PCDHGA6: variants seen among roughly 807,000 people sequenced by gnomAD.
The protein encoded by PCDHGA6 is protocadherin gamma subfamily A, 6.
A neutral mutation model predicts 60.6 loss-of-function variants in PCDHGA6; 41 were observed. The ratio of observed to expected loss-of-function variants is 0.68; its 90% CI spans 0.53 to 0.88. The LOEUF is 0.88. Among genes scored for constraint, PCDHGA6 ranks in the 40% least tolerant of loss-of-function variants. The probability of loss-of-function intolerance (pLI) is 0.00; values close to 1 mark genes in which losing one functional copy is unlikely to be tolerated. For missense variants in PCDHGA6, 1,312 were observed against 1,203.0 expected (o/e 1.09, Z -1.34); for synonymous variants, 594 against 524.4 (o/e 1.13, Z -1.81).
chr5:141,458,556 T>C (rs1424881453), intron 1 of PCDHGA6, among the ~76,000 whole-genome samples: 1 of 145,670 alleles, frequency 6.9e-6, no homozygotes, highest in Non-Finnish European at 1.5e-5. Flanking sequence ...TTGTTTGTTT[T>C]GGTTTTGGGT....
intron 1 of PCDHGA6, among the ~76,000 whole-genome samples, chr5:141,472,862 T>C (rs770564770): frequency 1.3e-5 from 2 of 150,322 alleles, no homozygotes; most frequent in South Asian, 4.2e-4. Flanking sequence ...GGCACATGCC[T>C]GTATTCCCAG....
rs777168071 is a variant in PCDHGA6 at position 141,477,745 on chromosome 5, C to A, written c.2425-17062C>A. The A allele has an allele frequency of 5.0e-6, 8 of 1,613,682 alleles. No homozygotes were observed. The highest frequency in any genetic ancestry group is 6.8e-6 in the Non-Finnish European group (8 of 1,180,042). On this transcript the variant is annotated intron_variant, in intron 1 of 3. Transcript: ENST00000517434. The surrounding 1 kb of genome is among the most constrained non-coding windows in gnomAD (Gnocchi z 4.9). ...TAACAGCTCATATCAGCGATGGGGG[C>A]ACCCCGGTCCTAGCCACCAACATCA...
chr5:141,501,390 T>TCAC (rs1033806087), intron 2 of PCDHGA6, among the ~76,000 whole-genome samples: 4 of 151,794 alleles, frequency 2.6e-5, no homozygotes, highest in African/African-American at 9.7e-5. Flanking sequence ...CTAGGTCCTG[T>TCAC]CACAGGCCAC....
chr5:141,376,688 T>G (rs959333255), intron 1 of PCDHGA6, 181 bp downstream of exon 1: 5 of 824,852 alleles, frequency 6.1e-6, no homozygotes, highest in Non-Finnish European at 9.0e-6. Context: ...TTTTTTTTTT[T>G]TTTTTTTTTG....
At position 141,374,284 on chromosome 5, in the gene PCDHGA6, C is replaced by A. The variant is rs756823871; in HGVS notation, c.201C>A (p.Val67=). The part of the protein sequence containing the change: ...QELAEHGVRI[V]SRGRMQLFSL... ...TGGCGGAGCACGGAGTCCGCATCGT[C>A]TCCAGAGGTAGGATGCAGCTTTTCT... is the stretch of plus-strand genomic sequence containing the variant. The change falls in exon 1 of 4, where the codon GTC becomes GTA. Residue 67 remains valine, a synonymous_variant. Transcript: ENST00000517434. The A allele has an allele frequency of 3.7e-6, 6 of 1,613,880 alleles. No individual in the cohort carries two copies. In the Admixed American group the frequency reaches 8.3e-5, roughly 22 times the overall value.
At chr5:141,426,621 C>G (rs984316174) in intron 1 of PCDHGA6, 1 of 392,280 alleles carries the variant, frequency 2.5e-6, no homozygotes, top group Non-Finnish European at 5.2e-6. Flanking sequence ...AGAGAATCCT[C>G]TAAATGTTTT....
intron 1 of PCDHGA6, chr5:141,400,754 C>A (rs6880273): frequency 0.26 from 150,367 of 588,610 alleles, 21,664 homozygotes; most frequent in African/African-American, 0.5. Context: ...TTAGCTTCCT[C>A]TCTAGCAAAA....
intron 1 of PCDHGA6, chr5:141,398,946 C>A: frequency 6.2e-7 from 1 of 1,613,948 alleles, no homozygotes; most frequent in Non-Finnish European, 8.5e-7. Flanking sequence ...ACGAGGGCAT[C>A]AACTCAGAAA....
intron 1 of PCDHGA6, chr5:141,387,722 C>G: frequency 8.6e-7 from 1 of 1,159,212 alleles, no homozygotes; most frequent in Non-Finnish European, 1.2e-6. Flanking sequence ...TCAGACTCCC[C>G]AGCGCCAGCC....
rs1257933448 is a variant in PCDHGA6, at chr5:141,490,285, G to C, written c.2425-4522G>C. 3 of 1,614,106 alleles carry C rather than the reference G, an allele frequency of 1.9e-6. No homozygotes were observed. In the African/African-American group the frequency reaches 4.0e-5, roughly 22 times the overall value. On this transcript the variant is annotated intron_variant, in intron 1 of 3. Coordinates refer to ENST00000517434, the MANE Select transcript of PCDHGA6 (RefSeq NM_018919.3). This position sits in a 1 kb window ranked among gnomAD's most constrained non-coding sequence, Gnocchi z 5.4. ...GGGGGATGTCAATGACAATGCCCCAGAGGTGCTATTGGCCTCTTTGGCCAA... is the reference window on the plus strand; with the variant it reads ...GGGGGATGTCAATGACAATGCCCCACAGGTGCTATTGGCCTCTTTGGCCAA...
intron 1 of PCDHGA6, among the ~76,000 whole-genome samples, chr5:141,470,825 C>A (rs557419577): frequency 6.6e-6 from 1 of 152,182 alleles, no homozygotes; most frequent in Admixed American, 6.5e-5. Context: ...GTAGTTAGGA[C>A]GACAAACACA....
At chr5:141,510,431 G>A (rs912708135) in intron 3 of PCDHGA6, among the ~76,000 whole-genome samples, 9 of 152,132 alleles carry the variant, frequency 5.9e-5, no homozygotes, top group African/African-American at 1.9e-4. Flanking sequence ...TTTCATGGCT[G>A]CTGCCCTCCA....
At chr5:141,399,862 G>T in intron 1 of PCDHGA6, 1 of 1,612,900 alleles carries the variant, frequency 6.2e-7, no homozygotes, top group South Asian at 1.1e-5. Flanking sequence ...GCGCGCTGCA[G>T]AGCCCGGCTA....
At chr5:141,462,116 C>T (rs535029363) in intron 1 of PCDHGA6, among the ~76,000 whole-genome samples, 3 of 152,152 alleles carry the variant, frequency 2.0e-5, no homozygotes, top group Admixed American at 1.3e-4. Context: ...AGCCACTGCA[C>T]CCAGTCCAAT....
In PCDHGA6 at chr5:141,461,830, C is replaced by CT. The variant is rs1030113508; in HGVS notation, c.2425-32967dup. On this transcript the variant is annotated intron_variant, in intron 1 of 3. Transcript: ENST00000517434. Reference sequence around the variant, plus strand: ...CACCACACCCAGCTAATTTTTTTTTCTTTTTTTTTTGAGACAGAGTTTTGC... The same window carrying CT: ...CACCACACCCAGCTAATTTTTTTTTCTTTTTTTTTTTGAGACAGAGTTTTGC... Among the ~76,000 whole-genome samples, 192 of 145,246 alleles carry CT rather than the reference C, an allele frequency of 1.3e-3. 1 individual carries two copies. In the Middle Eastern group the frequency reaches 0.022, roughly 16 times the overall value.
chr5:141,409,825 G>T (rs748261010), intron 1 of PCDHGA6: 8 of 1,610,680 alleles, frequency 5.0e-6, no homozygotes, highest in Admixed American at 3.4e-5. Context: ...GCTCGCCCAC[G>T]CTCAGCGCCA....
intron 2 of PCDHGA6, among the ~76,000 whole-genome samples, chr5:141,502,956 G>A (rs986743949): frequency 1.3e-5 from 2 of 148,846 alleles, no homozygotes; most frequent in African/African-American, 5.0e-5. Context: ...CGATTCTCCT[G>A]CCTCAGCCTC....
intron 1 of PCDHGA6, chr5:141,404,714 G>A: frequency 3.1e-6 from 5 of 1,614,068 alleles, no homozygotes; most frequent in Non-Finnish European, 4.2e-6. Flanking sequence ...TGGCTACCTG[G>A]TGACCAAGGT....
chr5:141,473,626 G>A lies in PCDHGA6; in HGVS notation c.2425-21181G>A, dbSNP rs149882847. ...GCAAAGCAAAGGGAGGGAGGAAAAA[G>A]CAGCTTTCCTGGCAAAGGAACAATT... On this transcript the variant is annotated intron_variant, in intron 1 of 3. Transcript: ENST00000517434. Among the ~76,000 whole-genome samples, 1,234 of 152,276 alleles carry A rather than the reference G, an allele frequency of 8.1e-3. 14 individuals are homozygous for A. Among genetic ancestry groups the A allele is most frequent in the Non-Finnish European group, 0.011 (715 of 68,020 alleles).
Sources: allele counts gnomAD v4.1 joint callset (sites outside exome capture counted in the v4.1 genomes callset), GRCh38; gene constraint gnomAD v4.1.1; non-coding constraint Gnocchi (gnomAD v3.1); transcripts MANE v1.5; gene names NCBI Gene and HGNC (gene_info 2026-07-23, HGNC 2026-07-21).